Variants in NR2F1-AS1 observed in about 807,000 individuals in gnomAD.
The protein encoded by NR2F1-AS1 is NR2F1 regulatory antisense RNA 1.
At chr5:93,461,122 G>A (rs761234066) in intron 4 of NR2F1-AS1, among the ~76,000 whole-genome samples, 19 of 152,266 alleles carry the variant, frequency 1.2e-4, no homozygotes, top group Admixed American at 2.6e-4. Context: ...ACAAAATGTG[G>A]TACATATACA....
chr5:93,493,277 T>G (rs1275569594), intron 4 of NR2F1-AS1, among the ~76,000 whole-genome samples: 1 of 151,988 alleles, frequency 6.6e-6, no homozygotes, highest in Admixed American at 6.6e-5. Flanking sequence ...TTAAAAACAA[T>G]TCCATTTACA....
chr5:93,437,603 T>C (rs1313114500), intron 4 of NR2F1-AS1, among the ~76,000 whole-genome samples: 7 of 152,172 alleles, frequency 4.6e-5, no homozygotes, highest in African/African-American at 1.4e-4. Flanking sequence ...TTTTCTGAGA[T>C]TGTTAGCAGA....
At chr5:93,471,843 G>A (rs1441756768) in intron 4 of NR2F1-AS1, among the ~76,000 whole-genome samples, 2 of 151,842 alleles carry the variant, frequency 1.3e-5, no homozygotes, top group Non-Finnish European at 3.0e-5. Flanking sequence ...ATCAAATTAG[G>A]AGAGCATTTA....
Position 93,492,560 on chromosome 5 carries a change from C to G in NR2F1-AS1, n.638+61201G>C, listed in dbSNP as rs187518578. Among the ~76,000 whole-genome samples, 123 of 152,228 alleles carry G rather than the reference C, an allele frequency of 8.1e-4. 3 individuals carry two copies. The highest frequency in any genetic ancestry group is 2.7e-3 in the African/African-American group (114 of 41,558). ...CACATTTTGTGAGATCAGCATTACT[C>G]TGATACTAAAGTCAAAGACCTCAAA... On this transcript the variant is annotated intron_variant and non_coding_transcript_variant, in intron 4 of 5. Coordinates refer to ENST00000660523, the Ensembl canonical transcript of NR2F1-AS1.
chr5:93,556,315 T>G (rs1377703276), intron 2 of NR2F1-AS1, among the ~76,000 whole-genome samples: 1 of 152,168 alleles, frequency 6.6e-6, no homozygotes, highest in Non-Finnish European at 1.5e-5. Context: ...AACAGACTAG[T>G]GCAAGTCAGT....
At chr5:93,581,715 TCTCTCTCTCTCTCTCTCTCCCCCTCTCC>T (rs1561519095), upstream of NR2F1-AS1, among the ~76,000 whole-genome samples, 16 of 63,264 alleles carry the variant, frequency 2.5e-4, no homozygotes, top group Middle Eastern at 8.6e-3. Context: ...TCTCTCTCTC[TCTCTCTCTCTCTCTCTCTCCCCCTCTCC>T]CTCTCCCTCT....
intron 4 of NR2F1-AS1, among the ~76,000 whole-genome samples, chr5:93,421,605 G>A (rs2149842687): frequency 6.6e-6 from 1 of 152,294 alleles, no homozygotes; most frequent in South Asian, 2.1e-4. Context: ...TTGGTTAAGT[G>A]TGGAGGCTGG....
At chr5:93,523,768 T>C (rs1243521942) in intron 4 of NR2F1-AS1, among the ~76,000 whole-genome samples, 1 of 152,168 alleles carries the variant, frequency 6.6e-6, no homozygotes, top group Non-Finnish European at 1.5e-5. Flanking sequence ...GAAGCCTGAC[T>C]GTTAGAAGGA....
chr5:93,439,925 T>C (rs909424393), intron 4 of NR2F1-AS1, among the ~76,000 whole-genome samples: 4 of 152,186 alleles, frequency 2.6e-5, no homozygotes, highest in African/African-American at 9.7e-5. Flanking sequence ...TCTCCCCAAC[T>C]AGACAGTAAC....
At chr5:93,480,289 T>C (rs544250117) in intron 4 of NR2F1-AS1, among the ~76,000 whole-genome samples, 17 of 152,214 alleles carry the variant, frequency 1.1e-4, no homozygotes, top group Admixed American at 3.9e-4. Flanking sequence ...ATTTATCACA[T>C]ACAAGCCATC....
At chr5:93,435,930 A>G (rs1192900672) in intron 4 of NR2F1-AS1, among the ~76,000 whole-genome samples, 2 of 152,218 alleles carry the variant, frequency 1.3e-5, no homozygotes, top group Non-Finnish European at 2.9e-5. Context: ...CTTCTGGGTC[A>G]TGAAAACAAA....
chr5:93,442,663 G>A lies in NR2F1-AS1; in HGVS notation n.639-47121C>T, dbSNP rs116357614. Among the ~76,000 whole-genome samples, 1,071 of 152,282 alleles carry A rather than the reference G, an allele frequency of 7.0e-3. 12 individuals are homozygous for A. The highest frequency in any genetic ancestry group is 0.024 in the African/African-American group (1,015 of 41,564). On this transcript the variant is annotated intron_variant and non_coding_transcript_variant, in intron 4 of 5. Coordinates refer to ENST00000660523, the Ensembl canonical transcript of NR2F1-AS1. ...AGCAGAAACTTGTGTACACTTAAAC[G>A]TCCCTGTCTGACAGATTTGAAGAGA...
chr5:93,488,987 C>G (rs1750783394), intron 4 of NR2F1-AS1, among the ~76,000 whole-genome samples: 2 of 152,092 alleles, frequency 1.3e-5, no homozygotes, highest in East Asian at 1.9e-4. Flanking sequence ...TCTCAGCAAA[C>G]TAACACAGGA....
chr5:93,455,723 C>T (rs1432890494), intron 4 of NR2F1-AS1, among the ~76,000 whole-genome samples: 1 of 151,900 alleles, frequency 6.6e-6, no homozygotes, highest in African/African-American at 2.4e-5. Context: ...AAGTAACACA[C>T]ACATATACAA....
intron 4 of NR2F1-AS1, among the ~76,000 whole-genome samples, chr5:93,497,710 T>A (rs766634344): frequency 8.5e-5 from 13 of 152,214 alleles, no homozygotes; most frequent in Non-Finnish European, 1.8e-4. Flanking sequence ...CCCAGGTTGA[T>A]GTAACTTTGA....
At chr5:93,509,445 T>G (rs1256256275) in intron 4 of NR2F1-AS1, among the ~76,000 whole-genome samples, 1 of 152,070 alleles carries the variant, frequency 6.6e-6, no homozygotes. Flanking sequence ...TAGCCACATG[T>G]GGCTATAGCA....
chr5:93,496,610 T>C (rs923892537), intron 4 of NR2F1-AS1, among the ~76,000 whole-genome samples: 8 of 152,216 alleles, frequency 5.3e-5, no homozygotes, highest in African/African-American at 1.9e-4. Context: ...TATTTGTTCA[T>C]GAGTTGAAAA....
At chr5:93,543,203 A>G (rs776815080) in intron 4 of NR2F1-AS1, 4 of 152,254 alleles carry the variant, frequency 2.6e-5, no homozygotes, top group Non-Finnish European at 5.9e-5. Flanking sequence ...CAAGGGCAGT[A>G]AGAAAGATAA....
intron 4 of NR2F1-AS1, among the ~76,000 whole-genome samples, chr5:93,493,853 T>G (rs552802182): frequency 6.6e-6 from 1 of 151,950 alleles, no homozygotes; most frequent in African/African-American, 2.4e-5. Context: ...AACCTCCAAA[T>G]GGATCAATTA....
Sources: allele counts gnomAD v4.1 joint callset (sites outside exome capture counted in the v4.1 genomes callset), GRCh38; gene constraint gnomAD v4.1.1; transcripts MANE v1.5; gene names NCBI Gene and HGNC (gene_info 2026-07-23, HGNC 2026-07-21).